Variants in CCDC172 observed in about 807,000 individuals in gnomAD.
CCDC172 encodes coiled-coil domain-containing protein 172.
A neutral mutation model predicts 38.0 loss-of-function variants in CCDC172; 30 were observed. The ratio of observed to expected loss-of-function variants is 0.79; its 90% CI spans 0.59 to 1.07. The LOEUF (loss-of-function observed/expected upper bound fraction) is 1.07. Among genes scored for constraint, CCDC172 ranks in the 50% least tolerant of loss-of-function variants. The pLI is 0.00. For synonymous variants in CCDC172, 78 were observed against 88.3 expected (o/e 0.88, Z 0.66); for missense variants, 297 against 290.1 (o/e 1.02, Z -0.17).
At position 116,363,518 on chromosome 10, in the gene CCDC172, G is replaced by A. The variant is rs1016441422; in HGVS notation, c.653+5580G>A. 3.4e-4 allele frequency among the ~76,000 whole-genome samples: 51 copies of A among 152,196 alleles called. No individual in the cohort carries two copies. The South Asian group carries it at 4.3e-3, about 13-fold the overall frequency. The stretch of plus-strand genomic sequence containing the variant: ...ATAATTTTATATGAATTAATATAGA[G>A]ATAGAGAATATGTAAAAAGTCAGTC... On this transcript the variant is annotated intron_variant, in intron 7 of 8. Coordinates refer to ENST00000333254, the MANE Select transcript of CCDC172 (RefSeq NM_198515.3).
intron 3 of CCDC172, among the ~76,000 whole-genome samples, chr10:116,337,486 T>C (rs1844745962): frequency 6.6e-6 from 1 of 152,136 alleles, no homozygotes; most frequent in African/African-American, 2.4e-5. Flanking sequence ...TATTTTTTCA[T>C]TTCTAGTAGG....
At chr10:116,374,288 G>A (rs558733586) in intron 7 of CCDC172, among the ~76,000 whole-genome samples, 2 of 152,062 alleles carry the variant, frequency 1.3e-5, no homozygotes, top group Non-Finnish European at 2.9e-5. Flanking sequence ...GTGAAAAGAT[G>A]AAAGTTTCTG....
chr10:116,357,851 A>G lies in CCDC172; in HGVS notation c.566A>G (p.Glu189Gly). 1.3e-6 allele frequency: 2 copies of G among 1,500,724 alleles called. No homozygotes were observed. Among genetic ancestry groups the G allele is most frequent in the Non-Finnish European group, 1.8e-6 (2 of 1,105,952 alleles). 93.0% of individuals were successfully genotyped at this position (1,500,724 alleles called of 1,614,324 possible). Residue 189 changes from glutamate to glycine, a missense_variant, in exon 7 of 9, where the codon GAG (glutamate) becomes GGG (glycine). By Grantham distance (98) the Glu-to-Gly change is moderately conservative (BLOSUM62 -2). Coordinates refer to ENST00000333254, the MANE Select transcript of CCDC172 (RefSeq NM_198515.3). ...QRKLKVFEDEENESICTTKYL... is the reference protein window; with the variant it reads ...QRKLKVFEDEGNESICTTKYL... ...ATTTGTTTAGTTTTTGAAGATGAAG[A>G]GAATGAATCCATTTGTACTACCAAA...
chr10:116,358,881 G>T (rs1845032659), intron 7 of CCDC172, among the ~76,000 whole-genome samples: 1 of 152,032 alleles, frequency 6.6e-6, no homozygotes, highest in Non-Finnish European at 1.5e-5. Flanking sequence ...TAGTGTGAGG[G>T]CTTCCAATCT....
intron 7 of CCDC172, among the ~76,000 whole-genome samples, chr10:116,359,406 C>G (rs544683843): frequency 8.6e-5 from 13 of 152,020 alleles, no homozygotes; most frequent in South Asian, 2.1e-4. Flanking sequence ...CTTAATTTGT[C>G]GGGTTTGACT....
At chr10:116,353,715 G>C (rs1844960307) in intron 5 of CCDC172, among the ~76,000 whole-genome samples, 1 of 152,016 alleles carries the variant, frequency 6.6e-6, no homozygotes, top group African/African-American at 2.4e-5. Context: ...AGTGTAAATA[G>C]TTTAAAAAGA....
chr10:116,366,005 G>T (rs770276754), intron 7 of CCDC172, among the ~76,000 whole-genome samples: 1 of 152,122 alleles, frequency 6.6e-6, no homozygotes, highest in African/African-American at 2.4e-5. Flanking sequence ...ACCTAACTAT[G>T]CATTTCTCAC....
chr10:116,373,718 C>T (rs996416492), intron 7 of CCDC172, among the ~76,000 whole-genome samples: 1 of 151,940 alleles, frequency 6.6e-6, no homozygotes, highest in Non-Finnish European at 1.5e-5. Flanking sequence ...TTGGCCAGGT[C>T]GGTCTTGAAC....
chr10:116,347,315 C>G (rs956226282), intron 5 of CCDC172, among the ~76,000 whole-genome samples: 2 of 152,082 alleles, frequency 1.3e-5, no homozygotes, highest in Non-Finnish European at 2.9e-5. Flanking sequence ...ATGATCAACC[C>G]ATGTTGATTG....
At chr10:116,368,105 G>A (rs1016064559) in intron 7 of CCDC172, among the ~76,000 whole-genome samples, 1 of 152,074 alleles carries the variant, frequency 6.6e-6, no homozygotes. Flanking sequence ...GGCTCATAAT[G>A]TCAGTTTGTT....
intron 7 of CCDC172, among the ~76,000 whole-genome samples, chr10:116,364,988 C>G (rs1845106333): frequency 6.6e-6 from 1 of 152,002 alleles, no homozygotes; most frequent in Non-Finnish European, 1.5e-5. Flanking sequence ...GCAATGTTGG[C>G]CTATCATAGT....
At chr10:116,326,097 T>A (rs1208023402) in intron 3 of CCDC172, among the ~76,000 whole-genome samples, 1 of 152,168 alleles carries the variant, frequency 6.6e-6, no homozygotes, top group Non-Finnish European at 1.5e-5. Flanking sequence ...AAGTTCCTGA[T>A]CAGGGAGCAG....
chr10:116,370,536 CTCTG>C (rs1845174894), intron 7 of CCDC172, among the ~76,000 whole-genome samples: 1 of 151,858 alleles, frequency 6.6e-6, no homozygotes, highest in Non-Finnish European at 1.5e-5. Flanking sequence ...TTATACTTTA[CTCTG>C]TCTGTCTTCT....
intron 3 of CCDC172, among the ~76,000 whole-genome samples, chr10:116,326,666 A>G (rs1040064763): frequency 6.6e-6 from 1 of 152,146 alleles, no homozygotes; most frequent in East Asian, 1.9e-4. Context: ...ACAATGATAC[A>G]TACTTGTATT....
In CCDC172 at chr10:116,324,493, C is replaced by T. The variant is rs143280876; in HGVS notation, c.-186C>T. 0.017 allele frequency: 2,581 copies of T among 153,592 alleles called. 42 individuals carry two copies. The highest frequency in any genetic ancestry group is 0.027 in the South Asian group (133 of 4,882). 9.5% of individuals were successfully genotyped at this position (153,592 alleles called of 1,614,324 possible). Reference sequence around the variant, plus strand: ...AGGTTTTGGCCGTGGGTTTTGTTGGCACGTACCATTTTGCTGAAAGACAGA... The same window carrying T: ...AGGTTTTGGCCGTGGGTTTTGTTGGTACGTACCATTTTGCTGAAAGACAGA... On this transcript the variant is annotated 5_prime_UTR_variant, in exon 1 of 9. Coordinates refer to ENST00000333254, the MANE Select transcript of CCDC172 (RefSeq NM_198515.3).
At chr10:116,351,673 G>A (rs1844932828) in intron 5 of CCDC172, among the ~76,000 whole-genome samples, 2 of 152,114 alleles carry the variant, frequency 1.3e-5, no homozygotes. Context: ...CTAAAAGACT[G>A]GAGAAAATTA....
At chr10:116,377,024 A>C (rs1221137753) in intron 7 of CCDC172, among the ~76,000 whole-genome samples, 2 of 152,028 alleles carry the variant, frequency 1.3e-5, no homozygotes, top group Non-Finnish European at 2.9e-5. Flanking sequence ...AATACAAAAA[A>C]ATTCAGTATG....
chr10:116,354,907 C>T (rs1053667120), intron 5 of CCDC172, among the ~76,000 whole-genome samples: 54 of 152,036 alleles, frequency 3.6e-4, no homozygotes, highest in South Asian at 4.2e-4. Context: ...TTTGTGTCTT[C>T]GTTTTTTACA....
chr10:116,375,192 C>T (rs7921220), intron 7 of CCDC172, among the ~76,000 whole-genome samples: 1,826 of 152,084 alleles, frequency 0.012, 41 homozygotes, highest in African/African-American at 0.042. Context: ...AATGGCTTTC[C>T]TTGTTGGGTG....
Sources: gnomAD v4.1 joint callset for allele counts (sites outside exome capture counted in the v4.1 genomes callset) on GRCh38, gnomAD v4.1.1 for gene constraint, MANE v1.5 for transcripts, NCBI Gene and HGNC (gene_info 2026-07-23, HGNC 2026-07-21) for gene names.